ABCC4: variants seen among roughly 807,000 people sequenced by gnomAD.
ABCC4 encodes the protein ATP binding cassette subfamily C member 4 (PEL blood group), also known as ATP-binding cassette sub-family C member 4.
Under a neutral mutation model 168.5 loss-of-function variants are expected in ABCC4, and 102 were observed. The observed-to-expected ratio is 0.61, with a 90% confidence interval of 0.52 to 0.71. The LOEUF is 0.71. ABCC4 is among the 30% of genes least tolerant of loss of function. The probability of loss-of-function intolerance (pLI) is 0.00; values close to 1 mark genes in which losing one functional copy is unlikely to be tolerated. For missense variants in ABCC4, 1,402 were observed against 1,605.8 expected (o/e 0.87, Z 2.17); for synonymous variants, 617 against 590.7 (o/e 1.04, Z -0.65).
intron 30 of ABCC4, among the ~76,000 whole-genome samples, chr13:95,028,739 T>C (rs894340495): frequency 2.0e-5 from 3 of 152,086 alleles, no homozygotes; most frequent in African/African-American, 7.2e-5. Context: ...GAAAACAGAA[T>C]ATAAACTAGT....
rs867049486 is a variant in ABCC4 at position 95,178,116 on chromosome 13, G to C, written c.1546-25C>G. On this transcript the variant is annotated intron_variant, in intron 11 of 30. Transcript: ENST00000645237. Reference sequence around the variant, plus strand: ...CCTGTATGGACAAAGGAAAGAAGGGGGGAAAAAGAGACTTAAAACATGTTC... The same window carrying C: ...CCTGTATGGACAAAGGAAAGAAGGGCGGAAAAAGAGACTTAAAACATGTTC... The C allele has an allele frequency of 2.5e-6, 4 of 1,592,628 alleles. No homozygotes were observed. The African/African-American group carries it at 4.0e-5, about 16-fold the overall frequency.
intron 13 of ABCC4, among the ~76,000 whole-genome samples, chr13:95,175,375 C>A (rs1214064616): frequency 6.6e-6 from 1 of 152,102 alleles, no homozygotes; most frequent in African/African-American, 2.4e-5. Flanking sequence ...TGCAATGGCG[C>A]TATCTCGGCT....
At chr13:95,259,254 C>A (rs532900231) in intron 1 of ABCC4, among the ~76,000 whole-genome samples, 83 of 152,186 alleles carry the variant, frequency 5.5e-4, no homozygotes, top group African/African-American at 2.0e-3. Context: ...GTGGCACATG[C>A]CTGTAATCCC....
At position 95,166,279 on chromosome 13, in the gene ABCC4, C is replaced by G. The variant is rs1380329567; in HGVS notation, c.1913G>C (p.Ser638Thr). 2 of 1,614,136 alleles carry G rather than the reference C, an allele frequency of 1.2e-6. No homozygotes were observed. The highest frequency in any genetic ancestry group is 1.7e-6 in the Non-Finnish European group (2 of 1,180,018). ...GSLLKKDNEESEQPPVPGTPT... is the reference protein window; with the variant it reads ...GSLLKKDNEETEQPPVPGTPT... ...AGTTCCTGGAACTGGAGGTTGTTCA[C>G]TTTCCTCATTATCCTTCTTTAAAAG... is the stretch of plus-strand genomic sequence containing the variant. The change falls in exon 15 of 31, where the codon AGT (serine) becomes ACT (threonine). Residue 638 changes from serine (S) to threonine (T), a missense_variant. Coordinates refer to ENST00000645237, the MANE Select transcript of ABCC4 (RefSeq NM_005845.5).
chr13:95,166,354 T>C lies in ABCC4; in HGVS notation c.1838A>G (p.Gln613Arg). 2 of 1,612,598 alleles carry C rather than the reference T, an allele frequency of 1.2e-6. No individual in the cohort carries two copies. Among genetic ancestry groups the C allele is most frequent in the Non-Finnish European group, 1.7e-6 (2 of 1,179,812 alleles). ...ILILKDGKMVQKGTYTEFLKS... is the reference protein window; with the variant it reads ...ILILKDGKMVRKGTYTEFLKS... ...TAGGAACTCAGTGTAAGTCCCCTTC[T>C]GCACCATTTTACCCTAAAATAAAAA... Residue 613 changes from glutamine to arginine, a missense_variant, in exon 15 of 31, where the codon CAG (glutamine) becomes CGG (arginine). Physicochemically the swap from Gln to Arg is conservative, Grantham distance 43. This residue lies in a region of ABCC4 where 1,007 missense variants were observed against 1,127.3 expected (regional missense o/e 0.89). Transcript: ENST00000645237.
intron 8 of ABCC4, among the ~76,000 whole-genome samples, chr13:95,204,257 G>T (rs2038717585): frequency 6.6e-6 from 1 of 152,130 alleles, no homozygotes; most frequent in Non-Finnish European, 1.5e-5. Context: ...CAAGGTTTTT[G>T]GAATACAACT....
intron 1 of ABCC4, among the ~76,000 whole-genome samples, chr13:95,295,395 C>T (rs1346874486): frequency 3.3e-5 from 5 of 152,114 alleles, no homozygotes; most frequent in Admixed American, 1.3e-4. Context: ...CACAGTGGCT[C>T]GCCCCCGTAA....
chr13:95,164,537 G>T lies in ABCC4; in HGVS notation c.2035-19C>A. On this transcript the variant is annotated intron_variant, in intron 15 of 30. Transcript: ENST00000645237. ...TCTCTGTCTGCAGAGGAAAAAAGGTGGTAAGAGACAAAACAGTATACAAAA... is the reference window on the plus strand; with the variant it reads ...TCTCTGTCTGCAGAGGAAAAAAGGTTGTAAGAGACAAAACAGTATACAAAA... The T allele has an allele frequency of 6.2e-7, 1 of 1,613,586 alleles. No individual in the cohort carries two copies. Among genetic ancestry groups the T allele is most frequent in the Non-Finnish European group, 8.5e-7 (1 of 1,179,742 alleles).
intron 1 of ABCC4, among the ~76,000 whole-genome samples, chr13:95,253,869 TC>T (rs1419458994): frequency 6.6e-6 from 1 of 152,098 alleles, no homozygotes; most frequent in African/African-American, 2.4e-5. Flanking sequence ...GGCAATACTC[TC>T]ATGCAAATTT....
chr13:95,051,519 C>T (rs532851109), intron 27 of ABCC4, among the ~76,000 whole-genome samples: 1 of 152,246 alleles, frequency 6.6e-6, no homozygotes, highest in African/African-American at 2.4e-5. Flanking sequence ...CAGGTGCATG[C>T]CACCACATCT....
chr13:95,123,265 G>A (rs1209130391), intron 19 of ABCC4, among the ~76,000 whole-genome samples: 1 of 152,202 alleles, frequency 6.6e-6, no homozygotes, highest in Non-Finnish European at 1.5e-5. Context: ...CATCAGGTAA[G>A]ACACCTATAA....
chr13:95,151,545 A>G (rs1055830374), intron 19 of ABCC4, among the ~76,000 whole-genome samples: 2 of 141,654 alleles, frequency 1.4e-5, no homozygotes, highest in Admixed American at 7.1e-5. Context: ...ATGAAGAAGG[A>G]AGGAGGAGGA....
intron 22 of ABCC4, 116 bp downstream of exon 22, chr13:95,075,316 C>G: frequency 2.2e-6 from 3 of 1,385,972 alleles, no homozygotes; most frequent in Non-Finnish European, 3.0e-6. Flanking sequence ...GCAAAAAAAG[C>G]AGGATGTGGG....
chr13:95,301,084 C>A (rs1356741709), intron 1 of ABCC4, among the ~76,000 whole-genome samples, 157 bp downstream of exon 1: 2 of 152,108 alleles, frequency 1.3e-5, no homozygotes, highest in African/African-American at 4.8e-5. Context: ...CGGCGCCACC[C>A]GCAGCAGAAA....
chr13:95,070,243 C>T (rs1236295516), intron 25 of ABCC4, among the ~76,000 whole-genome samples: 6 of 151,310 alleles, frequency 4.0e-5, no homozygotes, highest in Admixed American at 3.3e-4. Context: ...GACTCTGTCT[C>T]GAAAAAAGAA....
At chr13:95,165,076 G>A (rs1229251319) in intron 15 of ABCC4, among the ~76,000 whole-genome samples, 1 of 152,122 alleles carries the variant, frequency 6.6e-6, no homozygotes, top group Non-Finnish European at 1.5e-5. Flanking sequence ...GGACATTGTG[G>A]CGTGGCTTGC....
At chr13:95,105,739 C>T (rs537041710) in intron 20 of ABCC4, among the ~76,000 whole-genome samples, 2 of 152,232 alleles carry the variant, frequency 1.3e-5, no homozygotes, top group East Asian at 3.9e-4. Context: ...GTTCCAAAGC[C>T]AAGGGAAGCC....
intron 3 of ABCC4, among the ~76,000 whole-genome samples, chr13:95,240,270 C>T (rs541956461): frequency 5.3e-5 from 8 of 152,270 alleles, no homozygotes; most frequent in African/African-American, 1.4e-4. Flanking sequence ...CGGCTGGGCG[C>T]GATGTAATCT....
At chr13:95,056,122 G>A (rs973340065) in intron 26 of ABCC4, among the ~76,000 whole-genome samples, 2 of 152,000 alleles carry the variant, frequency 1.3e-5, no homozygotes, top group Admixed American at 6.6e-5. Context: ...GACAAAAATC[G>A]CATGGGGAGT....
Sources: allele counts gnomAD v4.1 joint callset (sites outside exome capture counted in the v4.1 genomes callset), GRCh38; gene constraint gnomAD v4.1.1; regional missense constraint gnomAD v4.1.1; transcripts MANE v1.5; gene names NCBI Gene and HGNC (gene_info 2026-07-23, HGNC 2026-07-21).